Variants in ALPK3 observed in about 807,000 individuals in gnomAD.
ALPK3 encodes alpha kinase 3.
In ALPK3, 102 loss-of-function variants were observed where a neutral mutation model predicts 140.0. That is an observed-to-expected ratio of 0.73 (90% CI 0.62 to 0.86). The LOEUF (loss-of-function observed/expected upper bound fraction) is 0.86. Ranked by LOEUF, ALPK3 falls within the 40% of genes least tolerant of loss-of-function variation. The pLI is 0.00. For missense variants in ALPK3, 2,254 were observed against 2,208.2 expected (o/e 1.02, Z -0.42); for synonymous variants, 938 against 898.5 (o/e 1.04, Z -0.79).
intron 1 of ALPK3, among the ~76,000 whole-genome samples, chr15:84,821,354 A>G (rs1963421026): frequency 6.6e-6 from 1 of 152,218 alleles, no homozygotes; most frequent in Non-Finnish European, 1.5e-5. Context: ...ACCAACATGC[A>G]GGTGGAACTT....
At chr15:84,818,412 C>T (rs775212132) in intron 1 of ALPK3, among the ~76,000 whole-genome samples, 1 of 152,198 alleles carries the variant, frequency 6.6e-6, no homozygotes, top group Non-Finnish European at 1.5e-5. Flanking sequence ...TGGACAGGCG[C>T]ATTGCCATGG....
intron 11 of ALPK3, among the ~76,000 whole-genome samples, 180 bp downstream of exon 11, chr15:84,863,820 C>G (rs1372617042): frequency 6.6e-6 from 1 of 152,238 alleles, no homozygotes; most frequent in African/African-American, 2.4e-5. Flanking sequence ...CTCATTTACT[C>G]TCCACTTGAG....
chr15:84,843,965 T>A (rs1963696344), intron 5 of ALPK3, among the ~76,000 whole-genome samples: 1 of 152,098 alleles, frequency 6.6e-6, no homozygotes, highest in African/African-American at 2.4e-5. Flanking sequence ...GCATGGTGGC[T>A]CATGCCTGTA....
intron 5 of ALPK3, among the ~76,000 whole-genome samples, chr15:84,853,726 A>T (rs1303803389): frequency 6.6e-6 from 1 of 152,136 alleles, no homozygotes; most frequent in Non-Finnish European, 1.5e-5. Context: ...GCCTATAAAT[A>T]GCCACTGCAT....
chr15:84,827,655 G>T, intron 3 of ALPK3, 50 bp downstream of exon 3: 1 of 1,600,804 alleles, frequency 6.2e-7, no homozygotes, highest in Non-Finnish European at 8.5e-7. Flanking sequence ...CACAGAGCAG[G>T]GTCCAAGGAG....
chr15:84,844,598 T>C (rs533446823), intron 5 of ALPK3, among the ~76,000 whole-genome samples: 4 of 152,226 alleles, frequency 2.6e-5, no homozygotes, highest in Non-Finnish European at 5.9e-5. Flanking sequence ...GGTTCACGCC[T>C]GTAATCCCAG....
At chr15:84,831,568 C>T (rs1006605537) in intron 3 of ALPK3, among the ~76,000 whole-genome samples, 7 of 152,142 alleles carry the variant, frequency 4.6e-5, no homozygotes, top group Admixed American at 4.6e-4. Context: ...CTTTTCTTAG[C>T]TCTCTGAGAT....
intron 3 of ALPK3, among the ~76,000 whole-genome samples, chr15:84,832,736 C>G (rs1336066627): frequency 6.6e-6 from 1 of 152,240 alleles, no homozygotes; most frequent in Non-Finnish European, 1.5e-5. Context: ...TGAAGCTTGA[C>G]TGTGCTGATG....
chr15:84,828,095 C>T (rs967463294), intron 3 of ALPK3, among the ~76,000 whole-genome samples: 4 of 152,122 alleles, frequency 2.6e-5, no homozygotes, highest in Non-Finnish European at 4.4e-5. Context: ...TTACTGAGCA[C>T]GTTATATAAC....
In ALPK3 at chr15:84,862,898, TACG is replaced by T. The variant is rs1417372724; in HGVS notation, c.4397_4399del (p.Asp1466del). The T allele has an allele frequency of 6.2e-7, 1 of 1,613,876 alleles. No individual in the cohort carries two copies. Among genetic ancestry groups the T allele is most frequent in the African/African-American group, 1.3e-5 (1 of 75,022 alleles). ...TGAGACTTCTCTTGTGGGCAGAAACTACGACGTCACCATCCAGGTACTATGTCC... is the reference window on the plus strand; with the variant it reads ...TGAGACTTCTCTTGTGGGCAGAAACTACGTCACCATCCAGGTACTATGTCC... On this transcript the variant is annotated inframe_deletion, in exon 10 of 14. Transcript: ENST00000258888.
rs1371514314 is a variant in ALPK3 at position 84,857,096 on chromosome 15, T to A, written c.2358T>A (p.His786Gln). ...CAGTAGTAACAGCCTCCAGGAACCATGAGCAAACTGTGCTGGGTCCCCTGT... is the reference window on the plus strand; with the variant it reads ...CAGTAGTAACAGCCTCCAGGAACCAAGAGCAAACTGTGCTGGGTCCCCTGT... Reference protein sequence around the residue: ...EEAVVTASRNHEQTVLGPLSG... With the variant: ...EEAVVTASRNQEQTVLGPLSG... Residue 786 changes from histidine (H) to glutamine (Q), a missense_variant, in exon 6 of 14, where the codon CAT becomes CAA. Transcript: ENST00000258888. The A allele has an allele frequency of 2.5e-6, 4 of 1,614,154 alleles. No individual in the cohort carries two copies. The East Asian group carries it at 6.7e-5, about 27-fold the overall frequency.
intron 5 of ALPK3, among the ~76,000 whole-genome samples, chr15:84,844,905 A>G (rs1963711407): frequency 6.6e-6 from 1 of 152,202 alleles, no homozygotes. Context: ...CTAGAATTCC[A>G]GAGCTGAAAA....
At position 84,857,138 on chromosome 15, in the gene ALPK3, C is replaced by T. The variant is rs769693682; in HGVS notation, c.2400C>T (p.Leu800=). The change falls in exon 6 of 14, where the codon CTC becomes CTT. Residue 800 remains leucine, a synonymous_variant. Transcript: ENST00000258888. ...GTCCCCTGTCAGGGAACCTCATGCTCCCAGCACAGCCGCCCCATGAGGGGA... is the reference window on the plus strand; with the variant it reads ...GTCCCCTGTCAGGGAACCTCATGCTTCCAGCACAGCCGCCCCATGAGGGGA... ...VLGPLSGNLM[L]PAQPPHEGSV... 4.3e-6 allele frequency: 7 copies of T among 1,614,054 alleles called. No individual in the cohort carries two copies. The highest frequency in any genetic ancestry group is 5.9e-6 in the Non-Finnish European group (7 of 1,179,956).
At chr15:84,817,930 G>A (rs1567085063) in intron 1 of ALPK3, among the ~76,000 whole-genome samples, 2 of 152,180 alleles carry the variant, frequency 1.3e-5, no homozygotes, top group Non-Finnish European at 2.9e-5. Context: ...CACAGCTAGC[G>A]ATAAGGAAAG....
rs578094476 is a variant in ALPK3, at chr15:84,820,488, G to T, written c.144-2842G>T. ...TTTTATGTATTTATTATTTTAGTGT[G>T]TTTTTTTTTTGAGATGGAGTCTTGC... On this transcript the variant is annotated intron_variant, in intron 1 of 13. Coordinates refer to ENST00000258888, the MANE Select transcript of ALPK3 (RefSeq NM_020778.5). 8.9e-4 allele frequency among the ~76,000 whole-genome samples: 133 copies of T among 149,726 alleles called. 5 individuals carry two copies. In the South Asian group the frequency reaches 0.02, roughly 22 times the overall value.
intron 5 of ALPK3, among the ~76,000 whole-genome samples, chr15:84,853,134 G>A (rs545718592): frequency 6.6e-6 from 1 of 152,338 alleles, no homozygotes; most frequent in East Asian, 1.9e-4. Flanking sequence ...AGTCTTGTAT[G>A]CACAGTCTGC....
chr15:84,848,068 A>AT (rs60599875), intron 5 of ALPK3, among the ~76,000 whole-genome samples: 21 of 151,896 alleles, frequency 1.4e-4, no homozygotes, highest in Non-Finnish European at 2.6e-4. Flanking sequence ...TCTCAAAAAA[A>AT]AAAAAATAAA....
chr15:84,851,742 A>G (rs1963804653), intron 5 of ALPK3, among the ~76,000 whole-genome samples: 1 of 152,164 alleles, frequency 6.6e-6, no homozygotes, highest in Non-Finnish European at 1.5e-5. Context: ...ATATACCATA[A>G]TTCATTGGAT....
At position 84,869,349 on chromosome 15, in the gene ALPK3, T is replaced by TTGTGTC. The variant is rs1394555696; in HGVS notation, c.*894_*899dup. 1 of 152,178 alleles carries TTGTGTC rather than the reference T, an allele frequency of 6.6e-6. No homozygotes were observed. The highest frequency in any genetic ancestry group is 1.5e-5 in the Non-Finnish European group (1 of 68,066). 9.4% of individuals were successfully genotyped at this position (152,178 alleles called of 1,614,324 possible). On this transcript the variant is annotated 3_prime_UTR_variant, in exon 14 of 14. Transcript: ENST00000258888. ...CATGAGGTGAGAGCTGGTGTGAGGGTTGTGTCAGCAGCTGTAGCCAGAGAG... is the reference window on the plus strand; with the variant it reads ...CATGAGGTGAGAGCTGGTGTGAGGGTTGTGTCTGTGTCAGCAGCTGTAGCCAGAGAG...
Sources: allele counts gnomAD v4.1 joint callset (sites outside exome capture counted in the v4.1 genomes callset), GRCh38; gene constraint gnomAD v4.1.1; transcripts MANE v1.5; gene names NCBI Gene and HGNC (gene_info 2026-07-23, HGNC 2026-07-21).